PPP3CB: variants seen among roughly 807,000 people sequenced by gnomAD.
PPP3CB encodes the protein serine/threonine-protein phosphatase 2B catalytic subunit beta isoform.
PPP3CB carries 8 observed loss-of-function variants against 66.4 expected under a neutral mutation model. That is an observed-to-expected ratio of 0.12 (90% confidence interval 0.07 to 0.22). The LOEUF is 0.22. Among genes scored for constraint, PPP3CB ranks in the 10% least tolerant of loss-of-function variants. The pLI, the probability that PPP3CB is intolerant of heterozygous loss-of-function variation, is 1.00. For synonymous variants in PPP3CB, 208 were observed against 221.2 expected (o/e 0.94, Z 0.53); for missense variants, 319 against 642.5 (o/e 0.50, Z 5.44).
chr10:73,443,051 T>A (rs1392415280), intron 12 of PPP3CB, among the ~76,000 whole-genome samples: 2 of 150,936 alleles, frequency 1.3e-5, no homozygotes, highest in Non-Finnish European at 3.0e-5. Flanking sequence ...ATAAAAAAAA[T>A]TAGCTGGCTG....
intron 1 of PPP3CB, among the ~76,000 whole-genome samples, chr10:73,479,921 G>A (rs1160788725): frequency 6.6e-6 from 1 of 151,852 alleles, no homozygotes; most frequent in Admixed American, 6.6e-5. Context: ...CGACTACTTC[G>A]TAGGCTGGGG....
chr10:73,490,794 C>G (rs994121825), intron 1 of PPP3CB, among the ~76,000 whole-genome samples: 3 of 151,952 alleles, frequency 2.0e-5, no homozygotes, highest in African/African-American at 7.3e-5. Context: ...TGTTCCTTTG[C>G]TTTCACTAGG....
At chr10:73,460,852 G>C (rs967265997) in intron 9 of PPP3CB, among the ~76,000 whole-genome samples, 1 of 152,226 alleles carries the variant, frequency 6.6e-6, no homozygotes, top group Non-Finnish European at 1.5e-5. Flanking sequence ...AATGAAGCTT[G>C]GTGGTTTCCA....
intron 9 of PPP3CB, 82 bp from the exon 10 acceptor site, chr10:73,454,571 G>T: frequency 1.2e-6 from 1 of 864,536 alleles, no homozygotes; most frequent in Non-Finnish European, 1.8e-6. Context: ...TTTACAAATG[G>T]TCAAATAATG....
At chr10:73,463,800 T>C (rs549664632) in intron 9 of PPP3CB, among the ~76,000 whole-genome samples, 1 of 149,302 alleles carries the variant, frequency 6.7e-6, no homozygotes, top group Non-Finnish European at 1.5e-5. Flanking sequence ...CCGCCACCTG[T>C]AATTTTTTGT....
chr10:73,483,871 C>T (rs2056925548), intron 1 of PPP3CB, among the ~76,000 whole-genome samples: 1 of 151,850 alleles, frequency 6.6e-6, no homozygotes, highest in South Asian at 2.1e-4. Flanking sequence ...TGGCCAGGTG[C>T]GGTGGTTCAT....
At chr10:73,486,673 T>C (rs973973802) in intron 1 of PPP3CB, among the ~76,000 whole-genome samples, 2 of 152,248 alleles carry the variant, frequency 1.3e-5, no homozygotes, top group African/African-American at 4.8e-5. Flanking sequence ...TTGGGTCTCC[T>C]GAAGGACAAC....
chr10:73,487,203 G>T (rs1019887613), intron 1 of PPP3CB, among the ~76,000 whole-genome samples: 11 of 151,848 alleles, frequency 7.2e-5, no homozygotes, highest in African/African-American at 2.2e-4. Flanking sequence ...CAAGTTTCTG[G>T]CCCACAAGTC....
intron 9 of PPP3CB, among the ~76,000 whole-genome samples, 191 bp from the exon 10 acceptor site, chr10:73,454,680 T>C (rs2056395794): frequency 6.7e-6 from 1 of 149,260 alleles, no homozygotes. Flanking sequence ...ATAACAACTC[T>C]GAGAGAAAGA....
At position 73,448,393 on chromosome 10, in the gene PPP3CB, A is replaced by ATAT. The variant is rs2056293457; in HGVS notation, c.1187-1821_1187-1820insATA. Among the ~76,000 whole-genome samples the ATAT allele has an allele frequency of 3.3e-5, 5 of 152,214 alleles. 1 individual carries two copies. The highest frequency in any genetic ancestry group is 7.4e-5 in the Non-Finnish European group (5 of 68,026). On this transcript the variant is annotated intron_variant, in intron 10 of 13. Transcript: ENST00000360663. ...AAACAACCCTAATCATGCAGGGAAA[A>ATAT]GTACAAAACATTACAAATAAGCAAA...
Position 73,436,620 on chromosome 10 carries a change from A to G in PPP3CB, c.*1622T>C, listed in dbSNP as rs1043311620. 6.6e-6 allele frequency: 1 copy of G among 152,238 alleles called. No individual in the cohort carries two copies. The highest frequency in any genetic ancestry group is 6.5e-5 in the Admixed American group (1 of 15,286). 9.4% of individuals were successfully genotyped at this position (152,238 alleles called of 1,614,324 possible). On this transcript the variant is annotated 3_prime_UTR_variant, in exon 14 of 14. Transcript: ENST00000360663. ...AGTGCTCAGTTACTAATGCTCATGT[A>G]AAACAAGTATATAACAAAAGTTTTT...
chr10:73,439,235 C>G (rs1376310433), intron 13 of PPP3CB, among the ~76,000 whole-genome samples: 1 of 152,136 alleles, frequency 6.6e-6, no homozygotes, highest in East Asian at 1.9e-4. Context: ...TTAATATCTG[C>G]AATCCTTAGG....
At chr10:73,483,283 C>A (rs1219249891) in intron 1 of PPP3CB, among the ~76,000 whole-genome samples, 2 of 152,208 alleles carry the variant, frequency 1.3e-5, no homozygotes, top group Non-Finnish European at 2.9e-5. Context: ...ACGTCACCTA[C>A]TCATGAGTAG....
intron 1 of PPP3CB, among the ~76,000 whole-genome samples, chr10:73,480,519 AC>A (rs2056857297): frequency 7.0e-6 from 1 of 142,890 alleles, no homozygotes; most frequent in Non-Finnish European, 1.5e-5. Flanking sequence ...AACTCGGCTC[AC>A]TGCAACCTTC....
At chr10:73,484,292 C>T (rs565716412) in intron 1 of PPP3CB, among the ~76,000 whole-genome samples, 5 of 150,256 alleles carry the variant, frequency 3.3e-5, no homozygotes, top group South Asian at 2.1e-4. Context: ...TTTTTTGAGA[C>T]GGAGTCTCGC....
chr10:73,482,257 C>T (rs1296979167), intron 1 of PPP3CB, among the ~76,000 whole-genome samples: 1 of 151,116 alleles, frequency 6.6e-6, no homozygotes, highest in Non-Finnish European at 1.5e-5. Flanking sequence ...TAAAATGCTA[C>T]GTACTGGCTG....
chr10:73,461,941 A>C (rs541265966), intron 9 of PPP3CB, among the ~76,000 whole-genome samples: 8 of 151,946 alleles, frequency 5.3e-5, no homozygotes, highest in East Asian at 1.9e-4. Context: ...ATAGTGAGTA[A>C]ATTCTTGTGA....
At chr10:73,477,460 C>T (rs183717457) in intron 3 of PPP3CB, among the ~76,000 whole-genome samples, 134 of 151,964 alleles carry the variant, frequency 8.8e-4, no homozygotes, top group Non-Finnish European at 1.6e-3. Context: ...AATGATGCTA[C>T]GAGTTTATAT....
At position 73,437,145 on chromosome 10, in the gene PPP3CB, C is replaced by T. The variant is rs994887342; in HGVS notation, c.*1097G>A. On this transcript the variant is annotated 3_prime_UTR_variant, in exon 14 of 14. Coordinates refer to ENST00000360663, the MANE Select transcript of PPP3CB (RefSeq NM_021132.4). ...TCAACATGCAGTCTTGACTTTTATGCTTCCACTAACATCTGAATGATTGAA... is the reference window on the plus strand; with the variant it reads ...TCAACATGCAGTCTTGACTTTTATGTTTCCACTAACATCTGAATGATTGAA... 1 of 152,672 alleles carries T rather than the reference C, an allele frequency of 6.5e-6. No individual in the cohort carries two copies. Among genetic ancestry groups the T allele is most frequent in the Non-Finnish European group, 1.5e-5 (1 of 68,046 alleles). The allele number at this position is 152,672 out of a possible 1,614,324, so 9.5% of individuals were successfully genotyped here.
Sources: allele counts gnomAD v4.1 joint callset (sites outside exome capture counted in the v4.1 genomes callset), GRCh38; gene constraint gnomAD v4.1.1; transcripts MANE v1.5; gene names NCBI Gene and HGNC (gene_info 2026-07-23, HGNC 2026-07-21).